Variants in JMJD1C observed in about 807,000 individuals in gnomAD.
JMJD1C encodes jumonji domain containing 1C, also known as jumonji domain-containing protein 1C.
JMJD1C carries 31 observed loss-of-function variants against 245.3 expected under a neutral mutation model. The observed-to-expected ratio is 0.13, with a 90% CI of 0.09 to 0.17. JMJD1C has a LOEUF of 0.17. Among genes scored for constraint, JMJD1C ranks in the 10% least tolerant of loss-of-function variants. The probability of loss-of-function intolerance (pLI) is 1.00; values close to 1 mark genes in which losing one functional copy is unlikely to be tolerated. For synonymous variants in JMJD1C, 1,057 were observed against 1,017.4 expected (o/e 1.04, Z -0.74); for missense variants, 2,691 against 3,000.2 (o/e 0.90, Z 2.41).
chr10:63,249,478 T>C (rs534759373), intron 3 of JMJD1C, among the ~76,000 whole-genome samples: 24 of 152,360 alleles, frequency 1.6e-4, no homozygotes, highest in African/African-American at 4.6e-4. Flanking sequence ...CTATGGTTTA[T>C]AGATCAGTAG....
chr10:63,289,536 A>G (rs1326758823), intron 2 of JMJD1C, among the ~76,000 whole-genome samples: 2 of 152,200 alleles, frequency 1.3e-5, no homozygotes, highest in African/African-American at 4.8e-5. Flanking sequence ...TTATAAATTA[A>G]AGTTTCAAGA....
chr10:63,353,012 G>A (rs2134301549), intron 2 of JMJD1C, among the ~76,000 whole-genome samples: 1 of 152,270 alleles, frequency 6.6e-6, no homozygotes, highest in South Asian at 2.1e-4. Context: ...GTATTCATGG[G>A]ACATACAGTC....
At chr10:63,283,287 T>C (rs1857605583) in intron 2 of JMJD1C, among the ~76,000 whole-genome samples, 1 of 152,086 alleles carries the variant, frequency 6.6e-6, no homozygotes, top group South Asian at 2.1e-4. Context: ...CAGTGTTTTA[T>C]AGCTTTGGTA....
rs1349303677 is a variant in JMJD1C at position 63,184,725 on chromosome 10, A to G, written c.6844T>C (p.Leu2282=). The G allele has an allele frequency of 9.9e-6, 16 of 1,609,322 alleles. No homozygotes were observed. Among genetic ancestry groups the G allele is most frequent in the Non-Finnish European group, 1.4e-5 (16 of 1,178,508 alleles). ...TMMPARYEDL[L]KSLPLPEYCN... is the part of the protein sequence containing the mutation. ...TATTCTGGCAATGGCAGACTTTTTA[A>G]AAGATCTTCGTATCTGAAGAAAAAC... The change falls in exon 21 of 26, where the codon TTA becomes CTA. Residue 2282 remains leucine, a synonymous_variant. Transcript: ENST00000399262.
chr10:63,243,836 T>C (rs1851822358), intron 3 of JMJD1C, among the ~76,000 whole-genome samples: 1 of 152,178 alleles, frequency 6.6e-6, no homozygotes, highest in African/African-American at 2.4e-5. Flanking sequence ...CAGAAGCAGA[T>C]AATAAGAGAA....
intron 2 of JMJD1C, among the ~76,000 whole-genome samples, chr10:63,334,256 T>C (rs1416538629): frequency 6.6e-6 from 1 of 152,200 alleles, no homozygotes; most frequent in Admixed American, 6.5e-5. Context: ...AAATTTGTGT[T>C]CAATTTTAAA....
At chr10:63,518,444 G>A (rs1423722819) in intron 1 of JMJD1C, among the ~76,000 whole-genome samples, 1 of 152,152 alleles carries the variant, frequency 6.6e-6, no homozygotes, top group Non-Finnish European at 1.5e-5. Flanking sequence ...TCGACGTGGG[G>A]CAAAACTACA....
At chr10:63,376,839 G>C (rs1014402430) in intron 2 of JMJD1C, among the ~76,000 whole-genome samples, 1 of 152,142 alleles carries the variant, frequency 6.6e-6, no homozygotes, top group African/African-American at 2.4e-5. Context: ...GAAAAATGGT[G>C]CAGCCACTTG....
chr10:63,411,013 G>C (rs899277046), intron 1 of JMJD1C, among the ~76,000 whole-genome samples: 3 of 152,210 alleles, frequency 2.0e-5, no homozygotes, highest in Non-Finnish European at 2.9e-5. Context: ...TCAGAGCAAT[G>C]AAAGAATAAA....
chr10:63,376,290 A>G (rs1946736499), intron 2 of JMJD1C, among the ~76,000 whole-genome samples: 1 of 152,204 alleles, frequency 6.6e-6, no homozygotes, highest in South Asian at 2.1e-4. Flanking sequence ...CAATTAATTC[A>G]CCAAAATTTG....
chr10:63,334,784 C>A (rs1443634859), intron 2 of JMJD1C, among the ~76,000 whole-genome samples: 6 of 151,732 alleles, frequency 4.0e-5, no homozygotes, highest in Non-Finnish European at 8.8e-5. Context: ...TCTCAGCTTA[C>A]TGCAACCTCC....
At position 63,168,024 on chromosome 10, in the gene JMJD1C, AAATATC is replaced by A. The variant is rs765201182; in HGVS notation, c.*15_*20del. The A allele has an allele frequency of 5.0e-6, 7 of 1,402,558 alleles. No homozygotes were observed. The South Asian group carries it at 8.1e-5, about 16-fold the overall frequency. The allele number at this position is 1,402,558 out of a possible 1,614,324, so 86.9% of individuals were successfully genotyped here. ...AAGTAATCCCAGTTCAACAACCTAAAAATATCAAACTGGATCACACTTAATTTTCTT... is the reference window on the plus strand; with the variant it reads ...AAGTAATCCCAGTTCAACAACCTAAAAAACTGGATCACACTTAATTTTCTT... On this transcript the variant is annotated 3_prime_UTR_variant, in exon 26 of 26. Coordinates refer to ENST00000399262, the MANE Select transcript of JMJD1C (RefSeq NM_032776.3).
At chr10:63,202,531 T>C (rs1205617515) in intron 10 of JMJD1C, 7 of 985,314 alleles carry the variant, frequency 7.1e-6, no homozygotes, top group Non-Finnish European at 8.4e-6. Context: ...ATAAACCATA[T>C]AGAGTGACCC....
At chr10:63,465,281 G>A (rs935670596) in intron 1 of JMJD1C, 39 of 579,548 alleles carry the variant, frequency 6.7e-5, no homozygotes, top group Admixed American at 1.9e-4. Flanking sequence ...TATCCCGGGA[G>A]TCCTGCTCCG....
At chr10:63,244,698 C>G (rs1002271460) in intron 3 of JMJD1C, among the ~76,000 whole-genome samples, 8 of 150,546 alleles carry the variant, frequency 5.3e-5, no homozygotes, top group Admixed American at 5.3e-4. Context: ...CAAAATCAGC[C>G]GGGGTGGTGG....
chr10:63,482,783 T>C (rs970589817), intron 1 of JMJD1C, among the ~76,000 whole-genome samples: 4 of 152,194 alleles, frequency 2.6e-5, no homozygotes, highest in African/African-American at 9.7e-5. Flanking sequence ...ATGGGAATAA[T>C]TCCTATATAA....
intron 24 of JMJD1C, among the ~76,000 whole-genome samples, chr10:63,169,234 A>G (rs1333021875): frequency 6.6e-6 from 1 of 152,148 alleles, no homozygotes; most frequent in Admixed American, 6.6e-5. Flanking sequence ...AGTTTTCCCA[A>G]GAAGCCAGTC....
intron 2 of JMJD1C, among the ~76,000 whole-genome samples, chr10:63,368,940 G>A (rs1262002759): frequency 6.6e-6 from 1 of 151,858 alleles, no homozygotes; most frequent in African/African-American, 2.4e-5. Context: ...GAATCATCAC[G>A]CCCAGCCCCT....
intron 1 of JMJD1C, among the ~76,000 whole-genome samples, chr10:63,421,505 G>C (rs1950124726): frequency 6.6e-6 from 1 of 152,162 alleles, no homozygotes; most frequent in African/African-American, 2.4e-5. Context: ...TGACCTGGGG[G>C]ATAGTTACAC....
Sources: allele counts gnomAD v4.1 joint callset (sites outside exome capture counted in the v4.1 genomes callset), GRCh38; gene constraint gnomAD v4.1.1; transcripts MANE v1.5; gene names NCBI Gene and HGNC (gene_info 2026-07-23, HGNC 2026-07-21).